Variants in C4orf51 observed in about 807,000 individuals in gnomAD.
The protein encoded by C4orf51 is chromosome 4 open reading frame 51.
Under a neutral mutation model 25.2 loss-of-function variants are expected in C4orf51, and 25 were observed. The observed-to-expected ratio is 0.99, with a 90% confidence interval of 0.72 to 1.39. The LOEUF is 1.39. Ranked by LOEUF, C4orf51 falls within the 40% of genes most tolerant of loss-of-function variation. The pLI is 0.00. For missense variants in C4orf51, 252 were observed against 239.6 expected (o/e 1.05, Z -0.34); for synonymous variants, 100 against 84.5 (o/e 1.18, Z -1.01).
intron 1 of C4orf51, chr4:145,760,759 G>A (rs1166432258): frequency 2.7e-6 from 2 of 749,380 alleles, no homozygotes; most frequent in Non-Finnish European, 3.3e-6. Flanking sequence ...CTCTGTTTTT[G>A]GTACAGAACA....
At chr4:145,744,710 A>G (rs1733273295) in intron 1 of C4orf51, among the ~76,000 whole-genome samples, 1 of 152,126 alleles carries the variant, frequency 6.6e-6, no homozygotes, top group Non-Finnish European at 1.5e-5. Context: ...AAAATTAGCC[A>G]GGTGTAGTGG....
the C4orf51 span, among the ~76,000 whole-genome samples, chr4:145,781,507 C>T: frequency 6.6e-6 from 1 of 152,176 alleles, no homozygotes; most frequent in Non-Finnish European, 1.5e-5. Context: ...ACTGATAAAG[C>T]ACATGAACTG....
chr4:145,701,801 T>C (rs904872828), intron 2 of C4orf51, among the ~76,000 whole-genome samples: 3 of 152,022 alleles, frequency 2.0e-5, no homozygotes, highest in African/African-American at 7.3e-5. Flanking sequence ...GACAACACTC[T>C]TTTATGCACT....
intron 1 of C4orf51, among the ~76,000 whole-genome samples, chr4:145,748,275 C>A (rs1192769204): frequency 6.6e-6 from 1 of 152,004 alleles, no homozygotes; most frequent in Non-Finnish European, 1.5e-5. Context: ...TGGATCACCT[C>A]TCTTTTTTTC....
chr4:145,691,949 C>A (rs1437950910), intron 1 of C4orf51, among the ~76,000 whole-genome samples: 1 of 152,190 alleles, frequency 6.6e-6, no homozygotes, highest in Non-Finnish European at 1.5e-5. Context: ...GGTAAGGATG[C>A]CTAACAATAA....
In C4orf51 at chr4:145,765,869, C is replaced by T; in HGVS notation, n.167-5119C>T. On this transcript the variant is annotated intron_variant and non_coding_transcript_variant, in intron 1 of 1. Coordinates refer to the C4orf51 transcript ENST00000510096. The surrounding 1 kb of genome is among the most constrained non-coding windows in gnomAD (Gnocchi z 4.7). ...GGGCACAGGCTCATGTCCCCAGCTCCCCCACTGCTGGGGGATCCCAGGTCC... is the reference window on the plus strand; with the variant it reads ...GGGCACAGGCTCATGTCCCCAGCTCTCCCACTGCTGGGGGATCCCAGGTCC... The T allele has an allele frequency of 4.5e-6, 4 of 898,502 alleles. No homozygotes were observed. The highest frequency in any genetic ancestry group is 1.9e-5 in the South Asian group (1 of 53,266). 55.7% of individuals were successfully genotyped at this position (898,502 alleles called of 1,614,324 possible). A position where few individuals can be genotyped will look rare whatever the true frequency, so the allele number is the denominator to read the frequency against.
chr4:145,751,793 A>T (rs1462506412), intron 1 of C4orf51, among the ~76,000 whole-genome samples: 1 of 152,160 alleles, frequency 6.6e-6, no homozygotes, highest in African/African-American at 2.4e-5. Flanking sequence ...TGGAGTCAAA[A>T]ACTTTAGAAA....
At chr4:145,701,824 T>C (rs1730466087) in intron 2 of C4orf51, among the ~76,000 whole-genome samples, 1 of 152,012 alleles carries the variant, frequency 6.6e-6, no homozygotes, top group African/African-American at 2.4e-5. Context: ...TTTTTAGTTA[T>C]CCCCACCTGC....
chr4:145,726,965 G>T lies in C4orf51; in HGVS notation c.362G>T (p.Gly121Val). The change falls in exon 3 of 6, where the codon GGA becomes GTA. Residue 121 changes from glycine (G) to valine (V), a missense_variant. Coordinates refer to ENST00000438731, the MANE Select transcript of C4orf51 (RefSeq NM_001080531.3). The part of the protein sequence containing the change: ...PFKKSFDVKH[G>V]VAHQIWDFGD... The stretch of plus-strand genomic sequence containing the variant: ...AAAAAGTCATTTGATGTCAAGCATG[G>T]AGTGGTAAGCCCAACATTTCTCAGC... 1 of 1,612,562 alleles carries T rather than the reference G, an allele frequency of 6.2e-7. No individual in the cohort carries two copies. The highest frequency in any genetic ancestry group is 1.1e-5 in the South Asian group (1 of 91,026).
intron 1 of C4orf51, among the ~76,000 whole-genome samples, chr4:145,739,453 A>G (rs541340371): frequency 2.0e-5 from 3 of 152,228 alleles, no homozygotes; most frequent in Non-Finnish European, 4.4e-5. Context: ...GAAAGGCTCA[A>G]ACACAAACTG....
chr4:145,750,465 C>G (rs956735557), intron 1 of C4orf51, among the ~76,000 whole-genome samples: 7 of 135,960 alleles, frequency 5.1e-5, no homozygotes, highest in African/African-American at 1.9e-4. Context: ...TCATGCCACT[C>G]TCTCTTGGGC....
intron 1 of C4orf51, among the ~76,000 whole-genome samples, chr4:145,751,779 G>A (rs1467459038): frequency 6.6e-6 from 1 of 152,156 alleles, no homozygotes; most frequent in Non-Finnish European, 1.5e-5. Flanking sequence ...CAGGAGTCAG[G>A]GCCTGGAGTC....
intron 3 of C4orf51, 40 bp from the exon 4 acceptor site, chr4:145,729,129 G>T: frequency 7.8e-7 from 1 of 1,280,868 alleles, no homozygotes. Flanking sequence ...CTATTATTAT[G>T]AAAGTGGTTG....
chr4:145,763,058 A>G lies in C4orf51; in HGVS notation n.167-7930A>G. 1.3e-6 allele frequency: 2 copies of G among 1,532,938 alleles called. No homozygotes were observed. Among genetic ancestry groups the G allele is most frequent in the Non-Finnish European group, 1.7e-6 (2 of 1,144,672 alleles). 95.0% of individuals were successfully genotyped at this position (1,532,938 alleles called of 1,614,324 possible). On this transcript the variant is annotated intron_variant and non_coding_transcript_variant, in intron 1 of 1. Coordinates refer to the C4orf51 transcript ENST00000510096. The surrounding 1 kb of genome is among the most constrained non-coding windows in gnomAD (Gnocchi z 4.6). ...TAAAGCCCATTCCCAGGTCAGGTGC[A>G]CACACAACCCCTACGCCAAGCTGGG...
intron 2 of C4orf51, among the ~76,000 whole-genome samples, chr4:145,714,603 C>T (rs1187473690): frequency 6.6e-6 from 1 of 152,160 alleles, no homozygotes; most frequent in Non-Finnish European, 1.5e-5. Context: ...GCTCACTGTG[C>T]TTTTTCATAA....
downstream of C4orf51, among the ~76,000 whole-genome samples, chr4:145,734,203 C>G (rs1231049342): frequency 6.6e-6 from 1 of 152,178 alleles, no homozygotes; most frequent in Non-Finnish European, 1.5e-5. Context: ...CAAATATTTG[C>G]TTGTGGAAAC....
chr4:145,723,284 A>G (rs1317380540), intron 2 of C4orf51, among the ~76,000 whole-genome samples: 1 of 152,210 alleles, frequency 6.6e-6, no homozygotes, highest in African/African-American at 2.4e-5. Context: ...TTGTGTACAT[A>G]CAACTTAAGG....
chr4:145,729,834 C>G (rs1732359636), intron 4 of C4orf51, 58 bp from the exon 5 acceptor site: 1 of 1,447,542 alleles, frequency 6.9e-7, no homozygotes. Flanking sequence ...GGAAATTTCA[C>G]TTATGGTAGA....
chr4:145,703,066 C>T (rs916986938), intron 2 of C4orf51, among the ~76,000 whole-genome samples: 1 of 151,810 alleles, frequency 6.6e-6, no homozygotes, highest in African/African-American at 2.4e-5. Context: ...TGTCAGGCCT[C>T]TGAGCCCAAG....
Sources: allele counts gnomAD v4.1 joint callset (sites outside exome capture counted in the v4.1 genomes callset), GRCh38; gene constraint gnomAD v4.1.1; non-coding constraint Gnocchi (gnomAD v3.1); transcripts MANE v1.5; gene names NCBI Gene and HGNC (gene_info 2026-07-23, HGNC 2026-07-21).